The following CAMK4 variants were observed in gnomAD, a reference collection of about 807,000 sequenced individuals.
The protein encoded by CAMK4 is calcium/calmodulin dependent protein kinase IV.
Under a neutral mutation model 44.9 loss-of-function variants are expected in CAMK4, and 22 were observed. The observed-to-expected ratio is 0.49, with a 90% CI of 0.35 to 0.70. CAMK4 has a LOEUF of 0.70. CAMK4 is among the 30% of genes least tolerant of loss of function. The probability of loss-of-function intolerance (pLI) is 0.01; values close to 1 mark genes in which losing one functional copy is unlikely to be tolerated. For missense variants in CAMK4, 498 were observed against 586.8 expected, an observed-to-expected ratio of 0.85 and a Z score of 1.56; for synonymous variants, 218 against 215.4, an observed-to-expected ratio of 1.01 and a Z score of -0.11.
chr5:111,391,145 G>A (rs1457017713), intron 4 of CAMK4, among the ~76,000 whole-genome samples: 2 of 152,078 alleles, frequency 1.3e-5, no homozygotes, highest in Non-Finnish European at 2.9e-5. Context: ...TTGGGGAAAA[G>A]GTTCTACACT....
chr5:111,482,443 T>A lies in CAMK4; in HGVS notation c.829-342T>A. The A allele has an allele frequency of 5.6e-6, 1 of 179,496 alleles. No homozygotes were observed. The highest frequency in any genetic ancestry group is 1.2e-5 in the Non-Finnish European group (1 of 86,704). The allele number at this position is 179,496 out of a possible 1,614,324, so 11.1% of individuals were successfully genotyped here. ...TGTACTTTAAGTTCTGAATTCTAGGTGATTGTGAAGCGCAGCCCAGAATTA... is the reference window on the plus strand; with the variant it reads ...TGTACTTTAAGTTCTGAATTCTAGGAGATTGTGAAGCGCAGCCCAGAATTA... On this transcript the variant is annotated intron_variant, in intron 9 of 10. Transcript: ENST00000282356. This position sits in a 1 kb window ranked among gnomAD's most constrained non-coding sequence, Gnocchi z 4.9.
chr5:111,454,795 G>A (rs1222192403), intron 7 of CAMK4, among the ~76,000 whole-genome samples: 8 of 151,884 alleles, frequency 5.3e-5, no homozygotes, highest in Admixed American at 1.3e-4. Context: ...ACCCACCCAC[G>A]CCAATCCTAG....
intron 5 of CAMK4, among the ~76,000 whole-genome samples, chr5:111,423,594 G>A (rs992118795): frequency 2.6e-5 from 4 of 152,182 alleles, no homozygotes; most frequent in Admixed American, 6.5e-5. Context: ...CCACACTCAA[G>A]ATTTAATGGC....
chr5:111,260,462 G>A (rs1296133605), intron 1 of CAMK4, among the ~76,000 whole-genome samples: 1 of 152,154 alleles, frequency 6.6e-6, no homozygotes, highest in Non-Finnish European at 1.5e-5. Context: ...CTGGCTAGGT[G>A]TGGGCTTTCT....
In CAMK4 at chr5:111,484,165, A is replaced by C; in HGVS notation, c.1121A>C (p.Glu374Ala). 1 of 1,614,166 alleles carries C rather than the reference A, an allele frequency of 6.2e-7. No homozygotes were observed. The highest frequency in any genetic ancestry group is 8.5e-7 in the Non-Finnish European group (1 of 1,180,008). Residue 374 changes from glutamate (E) to alanine (A), a missense_variant, in exon 11 of 11, where the codon GAA becomes GCA. Transcript: ENST00000282356. This position sits in a 1 kb window ranked among gnomAD's most constrained non-coding sequence, Gnocchi z 5.3. ...DGNEDMKAIP[E>A]GEKIQGDGAQ... is the part of the protein sequence containing the mutation. ...AACGAGGACATGAAAGCTATTCCAG[A>C]AGGAGAGAAAATTCAAGGCGATGGG...
chr5:111,229,823 G>A (rs532958943), intron 1 of CAMK4, among the ~76,000 whole-genome samples: 1 of 152,276 alleles, frequency 6.6e-6, no homozygotes, highest in Admixed American at 6.5e-5. Context: ...AGTTGACTCA[G>A]GAGCAAGGTG....
At chr5:111,230,699 A>G (rs75772970) in intron 1 of CAMK4, among the ~76,000 whole-genome samples, 2,012 of 152,250 alleles carry the variant, frequency 0.013, 24 homozygotes, top group Non-Finnish European at 0.021. Flanking sequence ...CCTCAGACAT[A>G]TATGTGTGGG....
At chr5:111,439,594 G>A (rs942538597) in intron 5 of CAMK4, among the ~76,000 whole-genome samples, 2 of 152,298 alleles carry the variant, frequency 1.3e-5, no homozygotes, top group East Asian at 3.9e-4. Flanking sequence ...TAGAAATGTT[G>A]AGACTGGAGC....
Position 111,376,900 on chromosome 5 carries a change from G to C in CAMK4, c.344G>C (p.Ser115Thr), listed in dbSNP as rs1751233233. 6.2e-7 allele frequency: 1 copy of C among 1,607,582 alleles called. No homozygotes were observed. Among genetic ancestry groups the C allele is most frequent in the South Asian group, 1.1e-5 (1 of 90,602 alleles). Residue 115 changes from serine (S) to threonine (T), a missense_variant, in exon 4 of 11, where the codon AGT becomes ACT. Ser to Thr is a moderately conservative substitution (Grantham distance 58). This residue lies in a region of CAMK4 where 203 missense variants were observed against 298.2 expected (regional missense o/e 0.68). Transcript: ENST00000282356. ...KEIFETPTEI[S>T]LVLELVTGGE... ...ATATTTGAAACCCCTACAGAAATCA[G>C]TCTGGTCCTAGAACTCGTCACAGGA...
chr5:111,321,731 T>C (rs190718938), intron 1 of CAMK4, among the ~76,000 whole-genome samples: 1 of 152,300 alleles, frequency 6.6e-6, no homozygotes, highest in Admixed American at 6.5e-5. Context: ...TTTGACATAG[T>C]ATAATTATAT....
chr5:111,468,751 G>A (rs1420834200), intron 7 of CAMK4, among the ~76,000 whole-genome samples: 1 of 152,078 alleles, frequency 6.6e-6, no homozygotes, highest in Non-Finnish European at 1.5e-5. Flanking sequence ...AGGCCGAGGC[G>A]GGTGGATCAC....
chr5:111,234,528 A>G (rs1748627446), intron 1 of CAMK4, among the ~76,000 whole-genome samples: 1 of 152,224 alleles, frequency 6.6e-6, no homozygotes, highest in Non-Finnish European at 1.5e-5. Context: ...TCTCAATTTT[A>G]ATATAACTAA....
chr5:111,487,011 TATAC>T lies in CAMK4; in HGVS notation c.*2552_*2555del, dbSNP rs1348237693. 6.6e-6 allele frequency: 1 copy of T among 152,196 alleles called. No homozygotes were observed. The highest frequency in any genetic ancestry group is 1.5e-5 in the Non-Finnish European group (1 of 68,034). The allele number at this position is 152,196 out of a possible 1,614,324, so 9.4% of individuals were successfully genotyped here. A position where few individuals can be genotyped will look rare whatever the true frequency, so the allele number is the denominator to read the frequency against. On this transcript the variant is annotated 3_prime_UTR_variant, in exon 11 of 11. Transcript: ENST00000282356. ...TCAGTCAAATTATTCAAAGATTTCA[TATAC>T]ATACATCCTAAGTTAGGATAATTAT...
chr5:111,380,802 A>C (rs986980862), intron 4 of CAMK4, among the ~76,000 whole-genome samples: 10 of 152,212 alleles, frequency 6.6e-5, no homozygotes, highest in African/African-American at 2.4e-4. Flanking sequence ...CTTCCAAAAA[A>C]GGAGATTTTC....
intron 5 of CAMK4, among the ~76,000 whole-genome samples, chr5:111,430,815 A>T (rs184628451): frequency 6.6e-6 from 1 of 152,308 alleles, no homozygotes; most frequent in Admixed American, 6.5e-5. Context: ...ACACCAAGAA[A>T]TGGAAAAGTA....
At chr5:111,368,843 A>T (rs1018976807) in intron 2 of CAMK4, among the ~76,000 whole-genome samples, 1 of 151,914 alleles carries the variant, frequency 6.6e-6, no homozygotes, top group African/African-American at 2.4e-5. Context: ...CCACCAAACT[A>T]TGCCCTGCAC....
At chr5:111,372,678 G>T (rs756839275) in intron 2 of CAMK4, among the ~76,000 whole-genome samples, 1 of 152,152 alleles carries the variant, frequency 6.6e-6, no homozygotes, top group African/African-American at 2.4e-5. Flanking sequence ...CTGCGTGTTT[G>T]TTACTTGAAA....
chr5:111,426,713 T>C (rs1753239353), intron 5 of CAMK4, among the ~76,000 whole-genome samples: 1 of 151,966 alleles, frequency 6.6e-6, no homozygotes, highest in Admixed American at 6.6e-5. Context: ...AACACAGCAA[T>C]TGTGAGGCAC....
rs965078004 is a variant in CAMK4 at position 111,435,509 on chromosome 5, C to T, written c.460-11177C>T. 2.6e-5 allele frequency among the ~76,000 whole-genome samples: 4 copies of T among 152,272 alleles called. No individual in the cohort carries two copies. The East Asian group carries it at 5.8e-4, about 22-fold the overall frequency. On this transcript the variant is annotated intron_variant, in intron 5 of 10. Transcript: ENST00000282356. ...GGATGGAGTAATTTCTTCATTCATCCTCAGTCCTGCCCAATCAGCTTCTCT... is the reference window on the plus strand; with the variant it reads ...GGATGGAGTAATTTCTTCATTCATCTTCAGTCCTGCCCAATCAGCTTCTCT...
Sources: allele counts gnomAD v4.1 joint callset (sites outside exome capture counted in the v4.1 genomes callset), GRCh38; gene constraint gnomAD v4.1.1; regional missense constraint gnomAD v4.1.1; non-coding constraint Gnocchi (gnomAD v3.1); transcripts MANE v1.5; gene names NCBI Gene and HGNC (gene_info 2026-07-23, HGNC 2026-07-21).